Variants in NEK4 observed in about 807,000 individuals in gnomAD.
The protein encoded by NEK4 is NIMA related kinase 4.
In NEK4, 86 loss-of-function variants were observed where a neutral mutation model predicts 98.4. The observed-to-expected ratio is 0.87, with a 90% CI of 0.73 to 1.05. The LOEUF (loss-of-function observed/expected upper bound fraction) is 1.05, where lower values mean the gene tolerates loss of function less well. NEK4 is among the 50% of genes least tolerant of loss of function. The pLI is 0.00. For synonymous variants in NEK4, 328 were observed against 342.2 expected, an observed-to-expected ratio of 0.96 and a Z score of 0.46; for missense variants, 898 against 950.3, an observed-to-expected ratio of 0.94 and a Z score of 0.72.
chr3:52,716,492 C>T (rs966844123), intron 15 of NEK4, among the ~76,000 whole-genome samples: 1 of 152,170 alleles, frequency 6.6e-6, no homozygotes, highest in Non-Finnish European at 1.5e-5. Flanking sequence ...TGATGTTAAC[C>T]AATCAGCTTA....
At chr3:52,741,900 C>T (rs1252790181) in intron 12 of NEK4, among the ~76,000 whole-genome samples, 1 of 152,144 alleles carries the variant, frequency 6.6e-6, no homozygotes, top group Non-Finnish European at 1.5e-5. Flanking sequence ...CTGCCTCAGC[C>T]TCCCGAGTAG....
At chr3:52,732,989 A>T in intron 15 of NEK4, 1 of 218,140 alleles carries the variant, frequency 4.6e-6, no homozygotes, top group East Asian at 1.1e-4. Context: ...TTTACAAACC[A>T]TAGTTCCTCA....
chr3:52,721,811 AAC>A (rs1561286355), intron 15 of NEK4, among the ~76,000 whole-genome samples: 2 of 152,106 alleles, frequency 1.3e-5, no homozygotes, highest in Non-Finnish European at 2.9e-5. Context: ...CCCAGGGGAA[AAC>A]ACAGATTCAG....
intron 14 of NEK4, 100 bp from the exon 15 acceptor site, chr3:52,737,819 TTA>T: frequency 1.1e-6 from 1 of 897,068 alleles, no homozygotes; most frequent in Non-Finnish European, 1.6e-6. Flanking sequence ...TTTTATTTAT[TTA>T]TTTTATTTTT....
intron 12 of NEK4, chr3:52,743,087 G>C (rs1274786909): frequency 3.1e-6 from 1 of 323,138 alleles, no homozygotes; most frequent in Non-Finnish European, 5.8e-6. Flanking sequence ...ATCAGGCCAG[G>C]AAGTCCTGTT....
At chr3:52,768,633 G>T in intron 1 of NEK4, 29 bp from the exon 2 acceptor site, 1 of 1,606,944 alleles carries the variant, frequency 6.2e-7, no homozygotes, top group Non-Finnish European at 8.5e-7. Flanking sequence ...TTTTTACAAT[G>T]TGCAAATAAA....
chr3:52,717,275 T>C (rs943484167), intron 15 of NEK4, among the ~76,000 whole-genome samples: 2 of 151,742 alleles, frequency 1.3e-5, no homozygotes, highest in Non-Finnish European at 2.9e-5. Context: ...GGTGTGGTGG[T>C]GAGTGCCTAT....
At chr3:52,718,307 T>C (rs1314317356) in intron 15 of NEK4, among the ~76,000 whole-genome samples, 2 of 151,058 alleles carry the variant, frequency 1.3e-5, no homozygotes, top group Non-Finnish European at 3.0e-5. Context: ...ACACTGTCTC[T>C]ATTAAAAATA....
Position 52,751,989 on chromosome 3 carries a change from C to G in NEK4, c.1311G>C (p.Lys437Asn). 3 of 1,614,116 alleles carry G rather than the reference C, an allele frequency of 1.9e-6. No homozygotes were observed. The highest frequency in any genetic ancestry group is 2.5e-6 in the Non-Finnish European group (3 of 1,179,994). The change falls in exon 7 of 16, where the codon AAG becomes AAC. Residue 437 changes from lysine (K) to asparagine (N), a missense_variant. By Grantham distance (94) the Lys-to-Asn change is moderately conservative. Coordinates refer to ENST00000233027, the MANE Select transcript of NEK4 (RefSeq NM_003157.6). ...MWSSDIVTGE[K>N]NEPVKPLQPL... ...GCTGCAGAGGCTTCACTGGTTCATT[C>G]TTTTCCCCAGTGACAATGTCAGAGG...
In NEK4 at chr3:52,732,150, G is replaced by A. The variant is rs545473856; in HGVS notation, c.2433+5436C>T. Among the ~76,000 whole-genome samples the A allele has an allele frequency of 3.9e-5, 6 of 152,264 alleles. No homozygotes were observed. The South Asian group carries it at 1.2e-3, about 32-fold the overall frequency. On this transcript the variant is annotated intron_variant, in intron 15 of 15. Transcript: ENST00000233027. Reference sequence around the variant, plus strand: ...TGTGAGAACAGACTAACACATGCTGGGATTACAGGCATGAGCCACCCAGCG... The same window carrying A: ...TGTGAGAACAGACTAACACATGCTGAGATTACAGGCATGAGCCACCCAGCG...
chr3:52,755,830 G>A (rs1559443832), intron 6 of NEK4, among the ~76,000 whole-genome samples: 1 of 152,186 alleles, frequency 6.6e-6, no homozygotes, highest in East Asian at 1.9e-4. Flanking sequence ...ACTAATAAAC[G>A]AACTGAGCAA....
At chr3:52,755,472 G>T (rs1413134255) in intron 6 of NEK4, among the ~76,000 whole-genome samples, 3 of 150,994 alleles carry the variant, frequency 2.0e-5, no homozygotes, top group Non-Finnish European at 2.9e-5. Flanking sequence ...TTTCAGGGCT[G>T]TGAAAAAAAA....
intron 6 of NEK4, 113 bp from the exon 7 acceptor site, chr3:52,752,449 A>G: frequency 1.0e-6 from 1 of 978,518 alleles, no homozygotes. Context: ...TTAACATATG[A>G]CTCAGCAATT....
At chr3:52,757,379 G>A (rs947272482) in intron 6 of NEK4, among the ~76,000 whole-genome samples, 4 of 152,096 alleles carry the variant, frequency 2.6e-5, no homozygotes, top group Admixed American at 2.0e-4. Context: ...CCAACATGGT[G>A]AAATCCCATC....
rs1452649397 is a variant in NEK4, at chr3:52,760,815, C to T, written c.943G>A (p.Gly315Ser). 1 of 1,609,658 alleles carries T rather than the reference C, an allele frequency of 6.2e-7. No homozygotes were observed. The highest frequency in any genetic ancestry group is 8.5e-7 in the Non-Finnish European group (1 of 1,177,714). Residue 315 changes from glycine to serine, a missense_variant, in exon 6 of 16, where the codon GGC becomes AGC. Physicochemically the swap from Gly to Ser is moderately conservative, Grantham distance 56. Transcript: ENST00000233027. ...VIHPQPLSSE[G>S]SQTYIMGEGK... ...CGTACCATTATATATGTCTGGGAGC[C>T]CTCAGAAGAGAGTGGTTGGGGGTGG...
chr3:52,753,720 A>G (rs745572677), intron 6 of NEK4: 1 of 569,196 alleles, frequency 1.8e-6, no homozygotes, highest in Admixed American at 1.9e-5. Flanking sequence ...AATGGCATGC[A>G]TGCTTCCTAC....
intron 11 of NEK4, 50 bp downstream of exon 11, chr3:52,744,189 G>A (rs200101357): frequency 3.2e-5 from 44 of 1,362,118 alleles, no homozygotes; most frequent in African/African-American, 1.7e-4. Context: ...TTCTGTCCAC[G>A]AACCATACCC....
chr3:52,717,173 G>A (rs564810016), intron 15 of NEK4, among the ~76,000 whole-genome samples: 18 of 152,204 alleles, frequency 1.2e-4, no homozygotes, highest in African/African-American at 2.9e-4. Context: ...TTGGGAGACC[G>A]AGGTGGGTGG....
At chr3:52,743,508 A>C (rs1418333717) in intron 11 of NEK4, 47 bp from the exon 12 acceptor site, 1 of 1,446,810 alleles carries the variant, frequency 6.9e-7, no homozygotes, top group Non-Finnish European at 9.7e-7. Flanking sequence ...GGGCTGCCCC[A>C]GTTGAAAAGG....
Sources: gnomAD v4.1 joint callset for allele counts (sites outside exome capture counted in the v4.1 genomes callset) on GRCh38, gnomAD v4.1.1 for gene constraint, MANE v1.5 for transcripts, NCBI Gene and HGNC (gene_info 2026-07-23, HGNC 2026-07-21) for gene names.